Variants in NDUFS2 observed in about 807,000 individuals in gnomAD.
NDUFS2 encodes the protein NADH:ubiquinone oxidoreductase core subunit S2, also known as NADH dehydrogenase [ubiquinone] iron-sulfur protein 2, mitochondrial.
In NDUFS2, 38 loss-of-function variants were observed where a neutral mutation model predicts 69.6. The ratio of observed to expected loss-of-function variants is 0.55; its 90% CI spans 0.42 to 0.72. NDUFS2 has a LOEUF of 0.72. NDUFS2 is among the 30% of genes least tolerant of loss of function. The pLI is 0.00. For missense variants in NDUFS2, 468 were observed against 595.0 expected, an observed-to-expected ratio of 0.79 and a Z score of 2.22; for synonymous variants, 194 against 211.2, an observed-to-expected ratio of 0.92 and a Z score of 0.70.
At chr1:161,207,369 C>G (rs914882762) in intron 3 of NDUFS2, among the ~76,000 whole-genome samples, 1 of 152,246 alleles carries the variant, frequency 6.6e-6, no homozygotes, top group Non-Finnish European at 1.5e-5. Context: ...GCTCCACCCT[C>G]TTCCTGGAAG....
intron 3 of NDUFS2, among the ~76,000 whole-genome samples, chr1:161,207,618 G>A (rs1342951855): frequency 6.6e-6 from 1 of 151,674 alleles, no homozygotes; most frequent in Non-Finnish European, 1.5e-5. Flanking sequence ...GCCAGACGTG[G>A]TGGTGTGCGC....
chr1:161,213,354 T>C (rs1305762354), intron 10 of NDUFS2, 26 bp from the exon 11 acceptor site: 1 of 1,518,002 alleles, frequency 6.6e-7, no homozygotes, highest in Non-Finnish European at 9.1e-7. Flanking sequence ...TATGGTTTAT[T>C]GATGCTCCCT....
upstream of NDUFS2, among the ~76,000 whole-genome samples, chr1:161,197,793 G>A (rs1664914921): frequency 1.3e-5 from 2 of 152,040 alleles, no homozygotes; most frequent in Admixed American, 6.6e-5. Flanking sequence ...GAGAACCCTC[G>A]GTGGGTCTGG....
upstream of NDUFS2, chr1:161,198,963 C>G (rs1252741076): frequency 3.6e-6 from 1 of 279,412 alleles, no homozygotes; most frequent in Non-Finnish European, 6.7e-6. The surrounding 1 kb of genome is among the most constrained non-coding windows in gnomAD (Gnocchi z 4.7). Context: ...TGCCCTGTCT[C>G]TGCCTTCTTC....
chr1:161,202,267 G>C (rs1665170297), upstream of NDUFS2: 1 of 993,634 alleles, frequency 1.0e-6, no homozygotes, highest in Non-Finnish European at 1.5e-6. Flanking sequence ...GACGGTAAAC[G>C]ACCCTGCCAG....
intron 2 of NDUFS2, chr1:161,203,881 T>C (rs1665313700): frequency 2.7e-6 from 1 of 368,452 alleles, no homozygotes; most frequent in Non-Finnish European, 5.3e-6. Flanking sequence ...AGATACAGGC[T>C]TGAGCCACCA....
intron 2 of NDUFS2, among the ~76,000 whole-genome samples, chr1:161,205,572 AG>A (rs1665414455): frequency 6.6e-6 from 1 of 152,144 alleles, no homozygotes; most frequent in Admixed American, 6.5e-5. Flanking sequence ...CTCTGTTCCT[AG>A]TTTTTCACAT....
In NDUFS2 at chr1:161,202,452, G is replaced by T; in HGVS notation, c.67G>T (p.Gly23Ter). 6.2e-7 allele frequency: 1 copy of T among 1,612,200 alleles called. No individual in the cohort carries two copies. ...GGCCCAGGTGCTGCGGCCTGGGGCT[G>T]GAGTCCGATTGCCGATTCAGCCCAG... The part of the protein sequence containing the change: ...VAAQVLRPGA[G>*]VRLPIQPSRG... Residue 23 changes from glycine (G) to a stop codon, truncating the protein, a stop_gained, in exon 1 of 14, where the codon GGA becomes TGA. Transcript: ENST00000676972. LOFTEE classifies it high-confidence loss of function.
At chr1:161,197,955 C>T (rs777293949), upstream of NDUFS2, 27 of 1,522,886 alleles carry the variant, frequency 1.8e-5, no homozygotes, top group South Asian at 2.7e-4. Context: ...ACAGACATGG[C>T]GGGAGGACAC....
intron 3 of NDUFS2, 136 bp from the exon 4 acceptor site, chr1:161,209,056 GC>G: frequency 1.7e-6 from 2 of 1,148,120 alleles, no homozygotes; most frequent in Non-Finnish European, 2.6e-6. Context: ...ATTTTTACCT[GC>G]CTTGTTGGGG....
At chr1:161,198,269 C>G, upstream of NDUFS2, 4 of 1,613,996 alleles carry the variant, frequency 2.5e-6, no homozygotes, top group Non-Finnish European at 3.4e-6. This position sits in a 1 kb window ranked among gnomAD's most constrained non-coding sequence, Gnocchi z 4.7. Flanking sequence ...CTCTGCTCCA[C>G]CCAGCAGCTC....
At chr1:161,204,917 G>A (rs1665376563) in intron 2 of NDUFS2, among the ~76,000 whole-genome samples, 1 of 152,128 alleles carries the variant, frequency 6.6e-6, no homozygotes, top group South Asian at 2.1e-4. Flanking sequence ...CAGGCGTGGT[G>A]GCACGCACCT....
intron 1 of NDUFS2, 131 bp from the exon 2 acceptor site, chr1:161,203,306 C>CA (rs997682868): frequency 2.1e-4 from 165 of 775,952 alleles, no homozygotes; most frequent in South Asian, 4.5e-4. Flanking sequence ...AACCCAGTCT[C>CA]AAAAAAAACA....
At chr1:161,202,614 G>T (rs1307653282) in intron 1 of NDUFS2, 134 bp downstream of exon 1, 2 of 968,108 alleles carry the variant, frequency 2.1e-6, no homozygotes, top group Non-Finnish European at 3.2e-6. Flanking sequence ...TTGGGCTACG[G>T]GATGCAGTGG....
At chr1:161,203,595 G>A (rs759339467) in intron 2 of NDUFS2, 52 bp downstream of exon 2, 2 of 1,445,180 alleles carry the variant, frequency 1.4e-6, no homozygotes, top group South Asian at 2.3e-5. Context: ...GCCCCCAGCT[G>A]ATTTCCTTTT....
chr1:161,210,569 A>C (rs1231559034), intron 8 of NDUFS2, 22 bp from the exon 9 acceptor site: 1 of 1,614,098 alleles, frequency 6.2e-7, no homozygotes, highest in Admixed American at 1.7e-5. Context: ...AGTGGCCCTT[A>C]TTCCCATTAT....
intron 2 of NDUFS2, among the ~76,000 whole-genome samples, chr1:161,204,889 A>G (rs928147738): frequency 6.6e-6 from 1 of 152,126 alleles, no homozygotes; most frequent in Non-Finnish European, 1.5e-5. Context: ...CGCCTCTACT[A>G]AAAATACAGA....
chr1:161,202,612 C>T (rs1368993232), intron 1 of NDUFS2, 132 bp downstream of exon 1: 12 of 1,008,002 alleles, frequency 1.2e-5, no homozygotes, highest in Admixed American at 8.0e-5. Flanking sequence ...TCTTGGGCTA[C>T]GGGATGCAGT....
At chr1:161,203,327 CAA>C in intron 1 of NDUFS2, 108 bp from the exon 2 acceptor site, 1 of 942,876 alleles carries the variant, frequency 1.1e-6, no homozygotes, top group Non-Finnish European at 1.7e-6. Context: ...AAAAACAAAA[CAA>C]AACAAAAAAA....
Sources: gnomAD v4.1 joint callset for allele counts (sites outside exome capture counted in the v4.1 genomes callset) on GRCh38, gnomAD v4.1.1 for gene constraint, Gnocchi (gnomAD v3.1) non-coding constraint, MANE v1.5 for transcripts, NCBI Gene and HGNC (gene_info 2026-07-23, HGNC 2026-07-21) for gene names.